Variants in AOPEP observed in about 807,000 individuals in gnomAD.
The protein encoded by AOPEP is aminopeptidase O (putative).
Under a neutral mutation model 98.1 loss-of-function variants are expected in AOPEP, and 77 were observed. The observed-to-expected ratio is 0.78, with a 90% confidence interval of 0.65 to 0.95. The LOEUF (loss-of-function observed/expected upper bound fraction) is 0.95. Among genes scored for constraint, AOPEP ranks in the 40% least tolerant of loss-of-function variants. AOPEP has a pLI of 0.00. For synonymous variants in AOPEP, 346 were observed against 365.3 expected, an observed-to-expected ratio of 0.95 and a Z score of 0.60; for missense variants, 1,024 against 1,024.7, an observed-to-expected ratio of 1.00 and a Z score of 0.01.
intron 3 of AOPEP, among the ~76,000 whole-genome samples, chr9:94,781,248 C>T (rs1251915856): frequency 6.6e-6 from 1 of 152,148 alleles, no homozygotes; most frequent in African/African-American, 2.4e-5. Flanking sequence ...CCTATATTCT[C>T]TACCAAAATA....
At chr9:94,886,933 G>T (rs1465822246) in intron 5 of AOPEP, among the ~76,000 whole-genome samples, 1 of 152,100 alleles carries the variant, frequency 6.6e-6, no homozygotes. Context: ...GTATGAATGG[G>T]TAATATAGAT....
intron 13 of AOPEP, among the ~76,000 whole-genome samples, chr9:95,014,404 G>A (rs1014624822): frequency 6.6e-6 from 1 of 152,014 alleles, no homozygotes; most frequent in Non-Finnish European, 1.5e-5. Flanking sequence ...CCTGGGAGGC[G>A]AATGTTGCTA....
At chr9:94,940,087 A>G (rs1022335746) in intron 7 of AOPEP, among the ~76,000 whole-genome samples, 1 of 152,262 alleles carries the variant, frequency 6.6e-6, no homozygotes, top group African/African-American at 2.4e-5. Context: ...AATATTTTGG[A>G]TAAAGGATAC....
intron 13 of AOPEP, among the ~76,000 whole-genome samples, chr9:95,016,245 ATTTTTTTT>A (rs532120566): frequency 1.6e-5 from 2 of 123,656 alleles, no homozygotes; most frequent in African/African-American, 6.2e-5. Context: ...TTCTCTTGTG[ATTTTTTTT>A]TTTTTTTTTT....
At chr9:94,904,005 A>T (rs2050792787) in intron 5 of AOPEP, 1 of 152,148 alleles carries the variant, frequency 6.6e-6, no homozygotes, top group African/African-American at 2.4e-5. Context: ...TCTTAAAAAA[A>T]AAAAAAATTA....
At chr9:94,758,932 T>C (rs1837641790) in intron 1 of AOPEP, among the ~76,000 whole-genome samples, 2 of 149,622 alleles carry the variant, frequency 1.3e-5, no homozygotes, top group Non-Finnish European at 3.0e-5. Flanking sequence ...CTTTTTTTTT[T>C]CAAGTGAGAA....
intron 5 of AOPEP, among the ~76,000 whole-genome samples, chr9:94,892,037 G>T (rs1361162233): frequency 1.3e-5 from 2 of 152,120 alleles, no homozygotes; most frequent in Non-Finnish European, 2.9e-5. Context: ...AGTTTCAGAT[G>T]GGACAACCAC....
At chr9:94,896,910 GTTTT>G (rs55947017) in intron 5 of AOPEP, among the ~76,000 whole-genome samples, 2 of 115,900 alleles carry the variant, frequency 1.7e-5, no homozygotes, top group African/African-American at 3.0e-5. Flanking sequence ...ACTTTTGTGG[GTTTT>G]TTTTTTTTTT....
the AOPEP span, chr9:95,126,595 A>G: frequency 5.6e-6 from 9 of 1,613,704 alleles, no homozygotes; most frequent in Admixed American, 1.7e-5. Context: ...TAAAAGGAGA[A>G]GACCATGAGA....
intron 1 of AOPEP, among the ~76,000 whole-genome samples, chr9:94,729,266 A>G (rs76610128): frequency 0.012 from 1,753 of 152,252 alleles, 42 homozygotes; most frequent in African/African-American, 0.04. Context: ...GAAATGAACT[A>G]TGTTATTCTA....
At chr9:95,141,782 TAATG>T in the AOPEP span, among the ~76,000 whole-genome samples, 1 of 152,240 alleles carries the variant, frequency 6.6e-6, no homozygotes, top group East Asian at 1.9e-4. Flanking sequence ...TTCTGATAGA[TAATG>T]AATTGTTTTC....
In AOPEP at chr9:95,032,784, C is replaced by T. The variant is rs535601809; in HGVS notation, c.2115+27168C>T. 4.6e-5 allele frequency among the ~76,000 whole-genome samples: 7 copies of T among 152,284 alleles called. No homozygotes were observed. The South Asian group carries it at 1.2e-3, about 27-fold the overall frequency. Reference sequence around the variant, plus strand: ...GAGGGGAGGGTGGTTTGGAGTTGTTCCCACCTCTGTGCTTTTATTTTATGA... The same window carrying T: ...GAGGGGAGGGTGGTTTGGAGTTGTTTCCACCTCTGTGCTTTTATTTTATGA... On this transcript the variant is annotated intron_variant, in intron 13 of 16. Transcript: ENST00000375315.
At chr9:94,762,864 A>G (rs1241923186) in intron 2 of AOPEP, among the ~76,000 whole-genome samples, 1 of 152,228 alleles carries the variant, frequency 6.6e-6, no homozygotes, top group Admixed American at 6.5e-5. Context: ...CTAGACAGAA[A>G]TAACTTCTTA....
chr9:94,818,908 G>A (rs1174110304), intron 5 of AOPEP, among the ~76,000 whole-genome samples: 2 of 152,248 alleles, frequency 1.3e-5, no homozygotes, highest in East Asian at 1.9e-4. Flanking sequence ...GCAGGAGAAT[G>A]GCATGAACCC....
At chr9:94,747,337 T>C (rs1382573589) in intron 1 of AOPEP, among the ~76,000 whole-genome samples, 1 of 152,230 alleles carries the variant, frequency 6.6e-6, no homozygotes, top group Non-Finnish European at 1.5e-5. Flanking sequence ...TTGCATTATT[T>C]ACTCAGTGAT....
chr9:95,104,659 A>C, the AOPEP span, among the ~76,000 whole-genome samples: 1 of 152,188 alleles, frequency 6.6e-6, no homozygotes, highest in Non-Finnish European at 1.5e-5. Context: ...GGATAACTGA[A>C]GCAGAGACCT....
At chr9:94,846,585 T>G (rs900403278) in intron 5 of AOPEP, among the ~76,000 whole-genome samples, 2 of 152,204 alleles carry the variant, frequency 1.3e-5, no homozygotes, top group African/African-American at 4.8e-5. Context: ...AGCACATTTG[T>G]GTGCTGAAGA....
chr9:94,739,805 T>G (rs1020119555), intron 1 of AOPEP, among the ~76,000 whole-genome samples: 14 of 152,148 alleles, frequency 9.2e-5, no homozygotes, highest in Non-Finnish European at 1.6e-4. Context: ...GGACTGTTCT[T>G]CTACCCACTG....
At chr9:95,098,578 G>A in the AOPEP span, among the ~76,000 whole-genome samples, 17 of 152,150 alleles carry the variant, frequency 1.1e-4, no homozygotes, top group African/African-American at 4.1e-4. Flanking sequence ...TGCAGTGGGG[G>A]TCCTGGGGGT....
Sources: gnomAD v4.1 joint callset for allele counts (sites outside exome capture counted in the v4.1 genomes callset) on GRCh38, gnomAD v4.1.1 for gene constraint, MANE v1.5 for transcripts, NCBI Gene and HGNC (gene_info 2026-07-23, HGNC 2026-07-21) for gene names.